The following SHROOM2 variants were observed in gnomAD, a reference collection of about 807,000 sequenced individuals.
SHROOM2 encodes shroom family member 2, also known as protein Shroom2.
A neutral mutation model predicts 75.9 loss-of-function variants in SHROOM2; 33 were observed. That is an observed-to-expected ratio of 0.43 (90% CI 0.33 to 0.58). The LOEUF is 0.58. Ranked by LOEUF, SHROOM2 falls within the 20% of genes least tolerant of loss-of-function variation. The pLI is 0.04. For missense variants in SHROOM2, 1,434 were observed against 1,461.2 expected (o/e 0.98, Z 0.30); for synonymous variants, 655 against 663.6 (o/e 0.99, Z 0.20).
intron 3 of SHROOM2, among the ~76,000 whole-genome samples, chrX:9,892,326 C>T (rs140758096): frequency 1.6e-3 from 170 of 105,465 alleles, no homozygotes; most frequent in Admixed American, 0.013. Flanking sequence ...TTATATGACA[C>T]GAAGGAAAGA....
At chrX:9,865,261 C>T (rs1424558114) in intron 1 of SHROOM2, 2 of 112,054 alleles carry the variant, frequency 1.8e-5, no homozygotes, top group Non-Finnish European at 3.8e-5. Flanking sequence ...GTGGGATTCT[C>T]TCCTTAAAAA....
At chrX:9,933,643 C>G (rs2084672753) in intron 6 of SHROOM2, among the ~76,000 whole-genome samples, 1 of 111,865 alleles carries the variant, frequency 8.9e-6, no homozygotes. Context: ...TGTGGTGGTG[C>G]ATGCCTATAG....
intron 1 of SHROOM2, among the ~76,000 whole-genome samples, chrX:9,820,472 C>T (rs970130348): frequency 9.0e-6 from 1 of 111,091 alleles, no homozygotes; most frequent in African/African-American, 3.3e-5. Context: ...TTAAGCAATC[C>T]TCCCACCTCA....
At chrX:9,917,229 C>T (rs962726752) in intron 5 of SHROOM2, among the ~76,000 whole-genome samples, 2 of 112,019 alleles carry the variant, frequency 1.8e-5, no homozygotes, top group Non-Finnish European at 3.8e-5. Context: ...CATAGGACCT[C>T]TGTACATTCT....
In SHROOM2 at chrX:9,937,122, T is replaced by C. The variant is rs374380947; in HGVS notation, c.3588-12T>C. 2.0e-4 allele frequency: 236 copies of C among 1,177,400 alleles called. No individual in the cohort carries two copies. The African/African-American group carries it at 3.9e-3, about 19-fold the overall frequency. On this transcript the variant is annotated splice_polypyrimidine_tract_variant and intron_variant, in intron 6 of 9. Coordinates refer to ENST00000380913, the MANE Select transcript of SHROOM2 (RefSeq NM_001649.4). ...CATGCTTTGCGATTTCAGCAGACTG[T>C]TCATCTTCCAGAATTGAGCGGGTGA...
intron 1 of SHROOM2, among the ~76,000 whole-genome samples, chrX:9,836,840 C>G (rs763701821): frequency 1.8e-5 from 2 of 111,714 alleles, no homozygotes; most frequent in African/African-American, 6.5e-5. Context: ...TCCATCACCC[C>G]CAAAAGATTC....
At chrX:9,861,727 C>T (rs1415000052) in intron 1 of SHROOM2, among the ~76,000 whole-genome samples, 2 of 112,290 alleles carry the variant, frequency 1.8e-5, no homozygotes, top group African/African-American at 6.5e-5. Context: ...CCAGCTCTTA[C>T]CACCATTTTT....
Position 9,937,285 on chromosome X carries a change from A to G in SHROOM2, c.3739A>G (p.Ile1247Val). The change falls in exon 7 of 10, where the codon ATC becomes GTC. Residue 1247 changes from isoleucine (I) to valine (V), a missense_variant. Ile to Val is a conservative substitution (Grantham distance 29). Coordinates refer to ENST00000380913, the MANE Select transcript of SHROOM2 (RefSeq NM_001649.4). ...GCCCCACGGGCTGGAGAAAGACCAG[A>G]TCAAGACGCTGAGCACATCTGAGCA... ...ALPHGLEKDQIKTLSTSEQFY... is the reference protein window; with the variant it reads ...ALPHGLEKDQVKTLSTSEQFY... The G allele has an allele frequency of 2.5e-6, 3 of 1,210,434 alleles. No individual in the cohort carries two copies. The highest frequency in any genetic ancestry group is 3.4e-6 in the Non-Finnish European group (3 of 894,887).
Position 9,937,242 on chromosome X carries a change from C to G in SHROOM2, c.3696C>G (p.Pro1232=). Residue 1232 remains proline, a synonymous_variant, in exon 7 of 10, where the codon CCC becomes CCG. Coordinates refer to ENST00000380913, the MANE Select transcript of SHROOM2 (RefSeq NM_001649.4). Reference sequence around the variant, plus strand: ...AGAGCCGCCAGAGCCTGGCATGCCCCGCCGAGCCACCTGCCCTGCCCCACG... The same window carrying G: ...AGAGCCGCCAGAGCCTGGCATGCCCGGCCGAGCCACCTGCCCTGCCCCACG... The part of the protein sequence containing the change: ...EKESRQSLAC[P]AEPPALPHGL... 2 of 1,208,859 alleles carry G rather than the reference C, an allele frequency of 1.7e-6. No individual in the cohort carries two copies. Among genetic ancestry groups the G allele is most frequent in the Non-Finnish European group, 2.2e-6 (2 of 894,119 alleles).
chrX:9,806,396 T>C (rs764607804), intron 1 of SHROOM2, among the ~76,000 whole-genome samples: 1 of 109,300 alleles, frequency 9.1e-6, no homozygotes, highest in South Asian at 3.8e-4. Flanking sequence ...AATATTAATA[T>C]ATATAAAATA....
chrX:9,853,914 A>C (rs1244199278), intron 1 of SHROOM2, among the ~76,000 whole-genome samples: 1 of 112,387 alleles, frequency 8.9e-6, no homozygotes, highest in East Asian at 2.8e-4. Context: ...CAGATGAAGG[A>C]ATAGAAGAGA....
intron 8 of SHROOM2, among the ~76,000 whole-genome samples, chrX:9,942,100 TC>T (rs760466404): frequency 1.6e-4 from 18 of 111,947 alleles, no homozygotes; most frequent in East Asian, 1.1e-3. Context: ...GGGAAGTTCT[TC>T]ATGCCTGTTT....
chrX:9,853,071 T>C (rs1312474777), intron 1 of SHROOM2, among the ~76,000 whole-genome samples: 1 of 111,899 alleles, frequency 8.9e-6, no homozygotes, highest in Non-Finnish European at 1.9e-5. Flanking sequence ...AAAGCCTGTT[T>C]TTATATAGAT....
intron 5 of SHROOM2, among the ~76,000 whole-genome samples, chrX:9,903,342 A>G (rs950549147): frequency 1.8e-4 from 20 of 112,210 alleles, no homozygotes; most frequent in African/African-American, 5.5e-4. Flanking sequence ...CAGGATAAAA[A>G]GGTGAAACTT....
chrX:9,823,238 T>C lies in SHROOM2; in HGVS notation c.165+36528T>C, dbSNP rs774458143. Among the ~76,000 whole-genome samples the C allele has an allele frequency of 7.3e-5, 7 of 96,106 alleles. 1 individual carries two copies. Among genetic ancestry groups the C allele is most frequent in the East Asian group, 3.5e-4 (1 of 2,889 alleles). The allele number at this position is 96,106 out of a possible 115,157, so 83.5% of individuals were successfully genotyped here. On this transcript the variant is annotated intron_variant, in intron 1 of 9. Transcript: ENST00000380913. Reference sequence around the variant, plus strand: ...TCCTCCTCCTCCTCCTCCTCCTTCTTCTCTTCTTCTTCTTCATATTTTTAG... The same window carrying C: ...TCCTCCTCCTCCTCCTCCTCCTTCTCCTCTTCTTCTTCTTCATATTTTTAG...
intron 6 of SHROOM2, among the ~76,000 whole-genome samples, chrX:9,936,237 G>A (rs766986546): frequency 1.9e-4 from 21 of 109,762 alleles, no homozygotes; most frequent in Admixed American, 7.8e-4. Context: ...TCAGCTTCCC[G>A]AGTAGGTGGG....
intron 1 of SHROOM2, among the ~76,000 whole-genome samples, chrX:9,854,710 G>T (rs1317618644): frequency 9.0e-6 from 1 of 111,540 alleles, no homozygotes. Flanking sequence ...AGCTTGGGGG[G>T]CAGGGAGTTG....
At chrX:9,859,901 G>A (rs1251475737) in intron 1 of SHROOM2, among the ~76,000 whole-genome samples, 1 of 111,778 alleles carries the variant, frequency 8.9e-6, no homozygotes, top group African/African-American at 3.3e-5. Context: ...GAGGAAGACG[G>A]CTGCCTGTTT....
intron 1 of SHROOM2, among the ~76,000 whole-genome samples, chrX:9,844,534 C>T (rs937272458): frequency 3.7e-5 from 4 of 108,956 alleles, no homozygotes; most frequent in Admixed American, 9.9e-5. Context: ...AAATTAAGGC[C>T]GGATGCAGTG....
Sources: gnomAD v4.1 joint callset for allele counts (sites outside exome capture counted in the v4.1 genomes callset) on GRCh38, gnomAD v4.1.1 for gene constraint, MANE v1.5 for transcripts, NCBI Gene and HGNC (gene_info 2026-07-23, HGNC 2026-07-21) for gene names.